Variants in NTRK1 observed in about 807,000 individuals in gnomAD.
The protein encoded by NTRK1 is high affinity nerve growth factor receptor.
A neutral mutation model predicts 86.8 loss-of-function variants in NTRK1; 62 were observed. The ratio of observed to expected loss-of-function variants is 0.71; its 90% CI spans 0.58 to 0.88. The LOEUF (loss-of-function observed/expected upper bound fraction) is 0.88. Among genes scored for constraint, NTRK1 ranks in the 40% least tolerant of loss-of-function variants. The pLI is 0.00. For synonymous variants in NTRK1, 469 were observed against 456.6 expected (o/e 1.03, Z -0.35); for missense variants, 967 against 1,078.4 (o/e 0.90, Z 1.45).
At chr1:156,827,262 A>AT (rs1654342122) in intron 1 of NTRK1, among the ~76,000 whole-genome samples, 1 of 47,968 alleles carries the variant, frequency 2.1e-5, no homozygotes, top group South Asian at 5.9e-4. Flanking sequence ...TTATTTTTTT[A>AT]TTTTTTTATT....
At chr1:156,841,683 G>A in intron 1 of NTRK1, 1 of 1,614,100 alleles carries the variant, frequency 6.2e-7, no homozygotes. Flanking sequence ...CGAGTGGGTG[G>A]TGAAGATCCC....
rs2102909033 is a variant in NTRK1, at chr1:156,874,410, C to T, written c.1195+10C>T. The stretch of plus-strand genomic sequence containing the variant: ...TCCTTCTCGCCGGTGGGTGAGTAGC[C>T]CAAGGTGGAGGGCAGGTTCTGCCTG... On this transcript the variant is annotated intron_variant, in intron 9 of 16. Transcript: ENST00000524377. 2 of 1,614,042 alleles carry T rather than the reference C, an allele frequency of 1.2e-6. No individual in the cohort carries two copies. Among genetic ancestry groups the T allele is most frequent in the Non-Finnish European group, 1.7e-6 (2 of 1,179,998 alleles).
chr1:156,848,801 G>C, intron 2 of NTRK1: 1 of 1,230,830 alleles, frequency 8.1e-7, no homozygotes, highest in South Asian at 1.5e-5. Context: ...TACAACTTGC[G>C]GGTCCTGGCT....
chr1:156,833,615 A>G (rs376588973), intron 1 of NTRK1, among the ~76,000 whole-genome samples: 4 of 152,130 alleles, frequency 2.6e-5, no homozygotes, highest in African/African-American at 9.6e-5. Flanking sequence ...GGTGCTCAAT[A>G]TATTTTAGGT....
rs2102906414 is a variant in NTRK1 at position 156,873,942 on chromosome 1, C to A, written c.1160C>A (p.Pro387His). 6.4e-7 allele frequency: 1 copy of A among 1,554,052 alleles called. No individual in the cohort carries two copies. Among genetic ancestry groups the A allele is most frequent in the Non-Finnish European group, 8.7e-7 (1 of 1,148,276 alleles). Residue 387 changes from proline (P) to histidine (H), a missense_variant, in exon 8 of 17, where the codon CCC (proline) becomes CAC (histidine). Physicochemically the swap from Pro to His is moderately conservative, Grantham distance 77 (BLOSUM62 -2). Transcript: ENST00000524377. ...AFMDNPFEFNPEDPIPVSFSP... is the reference protein window; with the variant it reads ...AFMDNPFEFNHEDPIPVSFSP... Reference sequence around the variant, plus strand: ...ATGGACAACCCTTTCGAGTTCAACCCCGAGGACCCCATCCCTGGTGCGAGG... The same window carrying A: ...ATGGACAACCCTTTCGAGTTCAACCACGAGGACCCCATCCCTGGTGCGAGG...
Position 156,860,915 on chromosome 1 carries a change from G to C in NTRK1, c.-20G>C, listed in dbSNP as rs1015354464. The C allele has an allele frequency of 2.1e-6, 3 of 1,429,522 alleles. No homozygotes were observed. The highest frequency in any genetic ancestry group is 1.5e-5 in the African/African-American group (1 of 66,864). 88.6% of individuals were successfully genotyped at this position (1,429,522 alleles called of 1,614,324 possible). Reference sequence around the variant, plus strand: ...GCGCACAGACGGCTGCCCCGCCTGAGCGAGGCGGGCGCCGCCGCGATGCTG... The same window carrying C: ...GCGCACAGACGGCTGCCCCGCCTGACCGAGGCGGGCGCCGCCGCGATGCTG... On this transcript the variant is annotated 5_prime_UTR_variant, in exon 1 of 17. Coordinates refer to ENST00000524377, the MANE Select transcript of NTRK1 (RefSeq NM_002529.4).
At chr1:156,829,084 G>A (rs1042907729) in intron 1 of NTRK1, among the ~76,000 whole-genome samples, 4 of 152,148 alleles carry the variant, frequency 2.6e-5, no homozygotes, top group Non-Finnish European at 4.4e-5. Flanking sequence ...CCTTTATTCT[G>A]GCGGGGGAGA....
At position 156,879,150 on chromosome 1, in the gene NTRK1, G is replaced by A. The variant is rs2102924183; in HGVS notation, c.1834G>A (p.Ala612Thr). Residue 612 changes from alanine (A) to threonine (T), a missense_variant, in exon 15 of 17, where the codon GCT (alanine) becomes ACT (threonine). This residue lies in a region of NTRK1 where 637 missense variants were observed against 776.5 expected (regional missense o/e 0.82). Coordinates refer to ENST00000524377, the MANE Select transcript of NTRK1 (RefSeq NM_002529.4). ...RSHGPDAKLL[A>T]GGEDVAPGPL... ...CCATGGACCTGATGCCAAGCTGCTG[G>A]CTGGTGGGGAGGATGTGGCTCCAGG... 1 of 1,613,998 alleles carries A rather than the reference G, an allele frequency of 6.2e-7. No individual in the cohort carries two copies. Among genetic ancestry groups the A allele is most frequent in the Non-Finnish European group, 8.5e-7 (1 of 1,179,964 alleles).
chr1:156,868,380 TGG>T, intron 5 of NTRK1, 123 bp from the exon 6 acceptor site: 1 of 1,535,158 alleles, frequency 6.5e-7, no homozygotes, highest in Non-Finnish European at 8.8e-7. Flanking sequence ...GGAAACTGCC[TGG>T]GGTGACATCG....
At chr1:156,851,994 G>T (rs150841787) in intron 2 of NTRK1, 13 of 1,611,958 alleles carry the variant, frequency 8.1e-6, no homozygotes, top group Non-Finnish European at 9.3e-6. Context: ...CTGGCACAGC[G>T]CTCAGCTGTG....
rs139080693 is a variant in NTRK1, at chr1:156,829,818, A to G, written c.-63-12263A>G. Among the ~76,000 whole-genome samples, 680 of 152,010 alleles carry G rather than the reference A, an allele frequency of 4.5e-3. 2 individuals carry two copies. The highest frequency in any genetic ancestry group is 0.016 in the African/African-American group (658 of 41,464). ...CAGGTGCCTGCCACCGCATCCGGCG[A>G]ATTTTGTATTTTTAGTAGAGATGGG... On this transcript the variant is annotated intron_variant, in intron 1 of 16. Transcript: ENST00000392302.
chr1:156,845,780 G>A, intron 2 of NTRK1: 1 of 1,613,188 alleles, frequency 6.2e-7, no homozygotes, highest in Non-Finnish European at 8.5e-7. Context: ...CGCCGTCGAA[G>A]CGCGGATCGT....
At chr1:156,844,252 G>C in intron 2 of NTRK1, 1 of 1,613,844 alleles carries the variant, frequency 6.2e-7, no homozygotes, top group African/African-American at 1.3e-5. Context: ...CAGTGAGGAG[G>C]ACATGCAGCC....
intron 1 of NTRK1, among the ~76,000 whole-genome samples, chr1:156,830,284 T>C (rs971222472): frequency 6.6e-6 from 1 of 152,246 alleles, no homozygotes; most frequent in Non-Finnish European, 1.5e-5. Context: ...CAGAGGGGGC[T>C]GTCTTGGACT....
upstream of NTRK1, chr1:156,860,743 G>A (rs1007210): frequency 7.2e-6 from 8 of 1,107,848 alleles, no homozygotes; most frequent in Admixed American, 4.2e-5. Flanking sequence ...GGGGCAGAGG[G>A]GGGGGCGTCA....
chr1:156,831,047 T>C (rs1654457355), intron 1 of NTRK1, among the ~76,000 whole-genome samples: 1 of 152,192 alleles, frequency 6.6e-6, no homozygotes, highest in Non-Finnish European at 1.5e-5. Context: ...CCCTGCATGC[T>C]GCTGGGCCCT....
chr1:156,875,203 G>T (rs1443944185), intron 11 of NTRK1, among the ~76,000 whole-genome samples, 195 bp downstream of exon 11: 5 of 151,822 alleles, frequency 3.3e-5, no homozygotes, highest in Non-Finnish European at 7.4e-5. Context: ...TGTCGGGCTG[G>T]TGCTGGGGTA....
At chr1:156,850,571 G>A (rs1180072870) in intron 2 of NTRK1, among the ~76,000 whole-genome samples, 2 of 92,320 alleles carry the variant, frequency 2.2e-5, no homozygotes, top group African/African-American at 8.3e-5. Flanking sequence ...TTTTTGAGAT[G>A]GAGTCCCTCT....
chr1:156,872,145 C>T (rs923350044), intron 7 of NTRK1, among the ~76,000 whole-genome samples: 1 of 152,184 alleles, frequency 6.6e-6, no homozygotes, highest in African/African-American at 2.4e-5. Flanking sequence ...CCTAATTTCT[C>T]TAGATCAGCC....
Sources: allele counts gnomAD v4.1 joint callset (sites outside exome capture counted in the v4.1 genomes callset), GRCh38; gene constraint gnomAD v4.1.1; regional missense constraint gnomAD v4.1.1; transcripts MANE v1.5; gene names NCBI Gene and HGNC (gene_info 2026-07-23, HGNC 2026-07-21).